Variants in FLNC observed in about 807,000 individuals in gnomAD.
FLNC encodes filamin-C.
In FLNC, 91 loss-of-function variants were observed where a neutral mutation model predicts 254.3. That is an observed-to-expected ratio of 0.36 (90% CI 0.30 to 0.43). The LOEUF (loss-of-function observed/expected upper bound fraction) is 0.43. Among genes scored for constraint, FLNC ranks in the 20% least tolerant of loss-of-function variants. The probability of loss-of-function intolerance (pLI) is 1.00; values close to 1 mark genes in which losing one functional copy is unlikely to be tolerated. For synonymous variants in FLNC, 1,430 were observed against 1,577.2 expected (o/e 0.91, Z 2.21); for missense variants, 2,853 against 3,802.6 (o/e 0.75, Z 6.57).
rs1554397631 is a variant in FLNC at position 128,838,057 on chromosome 7, T to C, written c.1040T>C (p.Leu347Ser). ...AVSYVPKVAG[L>S]HKVTVLFAGQ... ...TCCTATGTGCCCAAGGTCGCTGGGT[T>C]ACACAAGGTATCTCCCTCTAGGCCC... The change falls in exon 6 of 48, where the codon TTA becomes TCA. Residue 347 changes from leucine to serine, a missense_variant. By Grantham distance (145) the Leu-to-Ser change is moderately radical. Around this residue, in one of 10 missense-constraint regions of FLNC, gnomAD observed 1,573 missense variants for 1,883.5 expected, o/e 0.84. Coordinates refer to ENST00000325888, the MANE Select transcript of FLNC (RefSeq NM_001458.5). 6.2e-7 allele frequency: 1 copy of C among 1,613,472 alleles called. No individual in the cohort carries two copies. The highest frequency in any genetic ancestry group is 1.1e-5 in the South Asian group (1 of 91,080).
chr7:128,837,561 CCCTGGCGGCCCT>C lies in FLNC; in HGVS notation c.850+19_850+30del, dbSNP rs1378681537. 1 of 1,613,952 alleles carries C rather than the reference CCCTGGCGGCCCT, an allele frequency of 6.2e-7. No homozygotes were observed. The highest frequency in any genetic ancestry group is 1.3e-5 in the African/African-American group (1 of 74,932). On this transcript the variant is annotated intron_variant, in intron 4 of 47. Transcript: ENST00000325888. ...GCCTATGGGCCTGGTATGTGTGAGC[CCCTGGCGGCCCT>C]CCTGGGCAGCTGGGCACATGTAGGC...
At position 128,843,792 on chromosome 7, in the gene FLNC, A is replaced by T. The variant is rs1461105538; in HGVS notation, c.2812-4A>T. On this transcript the variant is annotated splice_polypyrimidine_tract_variant and splice_region_variant and intron_variant, in intron 18 of 47. Transcript: ENST00000325888. The stretch of plus-strand genomic sequence containing the variant: ...CAGTTCTGACCTACCATTGTACCCA[A>T]CAGGGCAACATGGCAGTGACAGTGA... 37 of 1,613,302 alleles carry T rather than the reference A, an allele frequency of 2.3e-5. No homozygotes were observed. The highest frequency in any genetic ancestry group is 3.1e-5 in the Non-Finnish European group (36 of 1,179,416).
At chr7:128,848,740 CCG>C in intron 27 of FLNC, 23 bp downstream of exon 27, 1 of 1,614,032 alleles carries the variant, frequency 6.2e-7, no homozygotes, top group Non-Finnish European at 8.5e-7. Flanking sequence ...GCATCCCACC[CCG>C]CAGGTCATGC....
rs781538211 is a variant in FLNC at position 128,843,582 on chromosome 7, G to T, written c.2811+5G>T. ...AAGTACACCGCTGTCCAGCAGGTGC[G>T]CTCTGCCCCTCCCATGCTACCGCCC... On this transcript the variant is annotated splice_donor_5th_base_variant and intron_variant, in intron 18 of 47. Coordinates refer to ENST00000325888, the MANE Select transcript of FLNC (RefSeq NM_001458.5). 1.9e-6 allele frequency: 3 copies of T among 1,613,570 alleles called. No homozygotes were observed. Among genetic ancestry groups the T allele is most frequent in the Non-Finnish European group, 2.5e-6 (3 of 1,179,900 alleles).
chr7:128,834,156 C>T (rs568023605), intron 1 of FLNC, among the ~76,000 whole-genome samples: 8 of 152,228 alleles, frequency 5.3e-5, no homozygotes, highest in Non-Finnish European at 1.0e-4. Context: ...TCTTCCACCC[C>T]CTTCCAGCCT....
At chr7:128,843,071 C>T in intron 16 of FLNC, 117 bp downstream of exon 16, 3 of 1,426,894 alleles carry the variant, frequency 2.1e-6, no homozygotes, top group South Asian at 1.2e-5. Flanking sequence ...GGAGCCCTAC[C>T]TGTGTGAGGC....
At position 128,854,240 on chromosome 7, in the gene FLNC, C is replaced by T. The variant is rs764273185; in HGVS notation, c.6727+24C>T. ...GGGTGAGCACCGCACACTGGGCCGG[C>T]CGGGTCCTCACGGCGGGATGGGAGG... On this transcript the variant is annotated intron_variant, in intron 40 of 47. Transcript: ENST00000325888. The T allele has an allele frequency of 3.1e-6, 5 of 1,604,796 alleles. No individual in the cohort carries two copies. In the African/African-American group the frequency reaches 5.3e-5, roughly 17 times the overall value.
At chr7:128,848,369 G>A (rs1210953355) in intron 26 of FLNC, among the ~76,000 whole-genome samples, 192 bp from the exon 27 acceptor site, 2 of 152,084 alleles carry the variant, frequency 1.3e-5, no homozygotes, top group Non-Finnish European at 2.9e-5. Flanking sequence ...TGGCTCTGTC[G>A]AGGGAGTCCC....
At position 128,854,683 on chromosome 7, in the gene FLNC, G is replaced by A; in HGVS notation, c.6997+1G>A. The A allele has an allele frequency of 6.2e-7, 1 of 1,612,578 alleles. No homozygotes were observed. The highest frequency in any genetic ancestry group is 8.5e-7 in the Non-Finnish European group (1 of 1,179,390). On this transcript the variant is annotated splice_donor_variant, in intron 41 of 47. Transcript: ENST00000325888. LOFTEE classifies it high-confidence loss of function. ...GAGCGAGGTGTGGCCGGCGTGCCAGGTAAGGGGCAGGTGGCCAGGAGTGGG... is the reference window on the plus strand; with the variant it reads ...GAGCGAGGTGTGGCCGGCGTGCCAGATAAGGGGCAGGTGGCCAGGAGTGGG...
At chr7:128,833,552 G>T (rs1290137666) in intron 1 of FLNC, among the ~76,000 whole-genome samples, 1 of 152,174 alleles carries the variant, frequency 6.6e-6, no homozygotes, top group Admixed American at 6.5e-5. Context: ...CTGGCCCAGG[G>T]CCAGTTGCTG....
rs563959229 is a variant in FLNC, at chr7:128,852,411, CTCTGGCAGCTCACAT to C, written c.5843-179_5843-165del. On this transcript the variant is annotated intron_variant, in intron 35 of 47. Transcript: ENST00000325888. ...AATTGGGGTACAGGCCCCTCTTAGT[CTCTGGCAGCTCACAT>C]GTGAGTGCAGACTGCACTTTCCAGG... is the stretch of plus-strand genomic sequence containing the variant. Among the ~76,000 whole-genome samples, 381 of 152,340 alleles carry C rather than the reference CTCTGGCAGCTCACAT, an allele frequency of 2.5e-3. 2 individuals are homozygous for C. The highest frequency in any genetic ancestry group is 4.4e-3 in the Non-Finnish European group (299 of 68,026).
rs1048527392 is a variant in FLNC at position 128,836,127 on chromosome 7, C to T, written c.601+553C>T. Among the ~76,000 whole-genome samples, 6 of 152,184 alleles carry T rather than the reference C, an allele frequency of 3.9e-5. No homozygotes were observed. The highest frequency in any genetic ancestry group is 7.4e-5 in the Non-Finnish European group (5 of 68,008). On this transcript the variant is annotated intron_variant, in intron 2 of 47. Transcript: ENST00000325888. The surrounding 1 kb of genome is among the most constrained non-coding windows in gnomAD (Gnocchi z 6.0). The stretch of plus-strand genomic sequence containing the variant: ...CCTGGTGGCAGGTGAGCCAGCCTTG[C>T]CCCTTCTCCGTGTAGGTCCTGGCCT...
intron 6 of FLNC, 22 bp from the exon 7 acceptor site, chr7:128,838,245 A>G: frequency 6.2e-7 from 1 of 1,613,012 alleles, no homozygotes; most frequent in Non-Finnish European, 8.5e-7. Context: ...CTAGAAGCTA[A>G]CCTTTGACCT....
Position 128,835,404 on chromosome 7 carries a change from C to G in FLNC, c.431C>G (p.Ser144Cys). 1 of 1,614,142 alleles carries G rather than the reference C, an allele frequency of 6.2e-7. No homozygotes were observed. The highest frequency in any genetic ancestry group is 1.1e-5 in the South Asian group (1 of 91,088). The change falls in exon 2 of 48, where the codon TCC (serine) becomes TGC (cysteine). Residue 144 changes from serine (S) to cysteine (C), a missense_variant. This residue lies in a region of FLNC where 115 missense variants were observed against 230.3 expected (regional missense o/e 0.50). Coordinates refer to ENST00000325888, the MANE Select transcript of FLNC (RefSeq NM_001458.5). The surrounding 1 kb of genome is among the most constrained non-coding windows in gnomAD (Gnocchi z 5.3). ...IWTLILHYSI[S>C]MPMWEDEDDE... is the part of the protein sequence containing the mutation. The stretch of plus-strand genomic sequence containing the variant: ...ACGCTGATCCTGCACTACTCCATCT[C>G]CATGCCCATGTGGGAGGATGAAGAT...
In FLNC at chr7:128,845,228, G is replaced by T. The variant is rs750826602; in HGVS notation, c.3763G>T (p.Val1255Phe). The change falls in exon 21 of 48, where the codon GTC (valine) becomes TTC (phenylalanine). Residue 1255 changes from valine to phenylalanine, a missense_variant. Coordinates refer to ENST00000325888, the MANE Select transcript of FLNC (RefSeq NM_001458.5). ...TGCGGTCGATACCAGTGGCGTCAAG[G>T]TCTCAGGGCCTGGTGTTGAGCCACA... ...QPAVDTSGVK[V>F]SGPGVEPHGV... is the part of the protein sequence containing the mutation. 2 of 1,613,778 alleles carry T rather than the reference G, an allele frequency of 1.2e-6. No individual in the cohort carries two copies. Among genetic ancestry groups the T allele is most frequent in the South Asian group, 2.2e-5 (2 of 91,072 alleles).
At position 128,838,405 on chromosome 7, in the gene FLNC, A is replaced by G. The variant is rs1437029966; in HGVS notation, c.1186A>G (p.Thr396Ala). 1.1e-5 allele frequency: 18 copies of G among 1,607,380 alleles called. No individual in the cohort carries two copies. The highest frequency in any genetic ancestry group is 2.2e-5 in the East Asian group (1 of 44,548). Residue 396 changes from threonine to alanine, a missense_variant, in exon 7 of 48, where the codon ACC (threonine) becomes GCC (alanine). By Grantham distance (58) the Thr-to-Ala change is moderately conservative. Around this residue, in one of 10 missense-constraint regions of FLNC, gnomAD observed 1,573 missense variants for 1,883.5 expected, o/e 0.84. Coordinates refer to ENST00000325888, the MANE Select transcript of FLNC (RefSeq NM_001458.5). ...TGTGGGCAATGTGGCCAACAAACCC[A>G]CCTACTTTGACATCTACACTGCGGG... Reference protein sequence around the residue: ...EPVGNVANKPTYFDIYTAGAG... With the variant: ...EPVGNVANKPAYFDIYTAGAG...
chr7:128,843,699 C>G, intron 18 of FLNC, 97 bp from the exon 19 acceptor site: 1 of 1,491,754 alleles, frequency 6.7e-7, no homozygotes, highest in Non-Finnish European at 9.4e-7. Flanking sequence ...TGCCCTCACT[C>G]TCATGGTGGA....
intron 21 of FLNC, 102 bp from the exon 22 acceptor site, chr7:128,845,888 A>AAGAGGAGAGGG (rs1460160700): frequency 3.3e-6 from 3 of 911,790 alleles, no homozygotes; most frequent in South Asian, 1.5e-5. Flanking sequence ...AGAGGAGGGG[A>AAGAGGAGAGGG]AGAGGAGAGG....
intron 1 of FLNC, among the ~76,000 whole-genome samples, chr7:128,833,949 C>G (rs1433964347): frequency 6.6e-6 from 1 of 152,100 alleles, no homozygotes; most frequent in Non-Finnish European, 1.5e-5. Flanking sequence ...AGAGCCCCAG[C>G]CAGAGGGACA....
Sources: allele counts gnomAD v4.1 joint callset (sites outside exome capture counted in the v4.1 genomes callset), GRCh38; gene constraint gnomAD v4.1.1; regional missense constraint gnomAD v4.1.1; non-coding constraint Gnocchi (gnomAD v3.1); transcripts MANE v1.5; gene names NCBI Gene and HGNC (gene_info 2026-07-23, HGNC 2026-07-21).